RECQL5: variants seen among roughly 807,000 people sequenced by gnomAD.
RECQL5 encodes ATP-dependent DNA helicase Q5.
RECQL5 carries 88 observed loss-of-function variants against 103.4 expected under a neutral mutation model. The observed-to-expected ratio is 0.85, with a 90% CI of 0.72 to 1.02. RECQL5 has a LOEUF of 1.02. RECQL5 is among the 50% of genes least tolerant of loss of function. The pLI, the probability that RECQL5 is intolerant of heterozygous loss-of-function variation, is 0.00. For synonymous variants in RECQL5, 552 were observed against 507.9 expected, an observed-to-expected ratio of 1.09 and a Z score of -1.17; for missense variants, 1,232 against 1,284.3, an observed-to-expected ratio of 0.96 and a Z score of 0.62.
At chr17:75,649,050 C>G (rs935044541) in intron 8 of RECQL5, 1 of 151,994 alleles carries the variant, frequency 6.6e-6, no homozygotes, top group Non-Finnish European at 1.5e-5. Flanking sequence ...GTGCCTGGCA[C>G]AGAGCTGGCA....
rs932705935 is a variant in RECQL5 at position 75,644,806 on chromosome 17, G to T, written c.1229+6380C>A. ...ATCACACCACTGCACTCCAGCCTGG[G>T]CTACAGAGTGAGACTCTGCCTCAAA... On this transcript the variant is annotated intron_variant, in intron 8 of 19. Coordinates refer to ENST00000317905, the MANE Select transcript of RECQL5 (RefSeq NM_004259.7). 2.1e-5 allele frequency among the ~76,000 whole-genome samples: 3 copies of T among 143,370 alleles called. No individual in the cohort carries two copies. In the East Asian group the frequency reaches 6.0e-4, roughly 29 times the overall value. 94.1% of individuals were successfully genotyped at this position (143,370 alleles called of 152,430 possible).
At chr17:75,656,235 C>A (rs2059618418) in intron 7 of RECQL5, among the ~76,000 whole-genome samples, 1 of 152,042 alleles carries the variant, frequency 6.6e-6, no homozygotes, top group South Asian at 2.1e-4. Context: ...CGCCACCACA[C>A]CTGGCTAATT....
intron 3 of RECQL5, among the ~76,000 whole-genome samples, chr17:75,663,994 C>T (rs2059733191): frequency 7.5e-6 from 1 of 134,090 alleles, no homozygotes; most frequent in South Asian, 2.4e-4. Flanking sequence ...GCGGAGGTTG[C>T]GGTGAGCCGA....
At position 75,662,724 on chromosome 17, in the gene RECQL5, G is replaced by A; in HGVS notation, c.526C>T (p.Leu176=). 6.2e-7 allele frequency: 1 copy of A among 1,614,050 alleles called. No individual in the cohort carries two copies. The highest frequency in any genetic ancestry group is 8.5e-7 in the Non-Finnish European group (1 of 1,180,040). ...CCCAGGCGGGAGCGCAGGGCACCCA[G>A]ACGCAAGTAGTCAGGACGAAAGTCA... ...GHDFRPDYLR[L]GALRSRLGHA... The change falls in exon 4 of 20, where the codon CTG becomes TTG. Residue 176 remains leucine (L), a synonymous_variant. Transcript: ENST00000317905.
intron 8 of RECQL5, chr17:75,650,296 G>T: frequency 9.7e-7 from 1 of 1,027,164 alleles, no homozygotes; most frequent in Non-Finnish European, 1.2e-6. Context: ...AATAGCTTCA[G>T]TCCAGAAGCC....
chr17:75,650,494 T>A, intron 8 of RECQL5: 1 of 1,398,780 alleles, frequency 7.1e-7, no homozygotes, highest in Non-Finnish European at 9.4e-7. Flanking sequence ...GACTGTGACC[T>A]CTCTGGACCT....
chr17:75,636,372 G>T lies in RECQL5; in HGVS notation c.1230-4704C>A, dbSNP rs2059321906. 6.6e-6 allele frequency among the ~76,000 whole-genome samples: 1 copy of T among 152,190 alleles called. No individual in the cohort carries two copies. Among genetic ancestry groups the T allele is most frequent in the Admixed American group, 6.5e-5 (1 of 15,284 alleles). On this transcript the variant is annotated intron_variant, in intron 8 of 19. Transcript: ENST00000317905. The surrounding 1 kb of genome is among the most constrained non-coding windows in gnomAD (Gnocchi z 5.4). ...GAAGGAGTTGGGTGAACCTGAGATA[G>T]AAAGACGGGAAAAATATGGGATCAT...
In RECQL5 at chr17:75,629,579, G is replaced by A. The variant is rs558252070; in HGVS notation, c.1948-104C>T. The A allele has an allele frequency of 1.1e-3, 1,615 of 1,504,392 alleles. 1 individual carries two copies. The highest frequency in any genetic ancestry group is 1.4e-3 in the Non-Finnish European group (1,521 of 1,122,440). 93.2% of individuals were successfully genotyped at this position (1,504,392 alleles called of 1,614,324 possible). A position where few individuals can be genotyped will look rare whatever the true frequency, so the allele number is the denominator to read the frequency against. ...ACATTGGGACGGGGCTCTCAGGAGTGTGGGAGGGAAGAGGCAGGCAGGACC... is the reference window on the plus strand; with the variant it reads ...ACATTGGGACGGGGCTCTCAGGAGTATGGGAGGGAAGAGGCAGGCAGGACC... On this transcript the variant is annotated intron_variant, in intron 15 of 19. Transcript: ENST00000317905.
At chr17:75,641,517 GA>G in intron 8 of RECQL5, 1 of 152,762 alleles carries the variant, frequency 6.5e-6, no homozygotes. Flanking sequence ...ACGAAAGCTG[GA>G]AAACCACGCA....
intron 15 of RECQL5, 60 bp from the exon 16 acceptor site, chr17:75,629,535 C>A: frequency 6.7e-7 from 1 of 1,499,128 alleles, no homozygotes; most frequent in Non-Finnish European, 8.9e-7. Context: ...GAGGGCACCG[C>A]TGGCTGGAGC....
intron 8 of RECQL5, chr17:75,637,586 A>C (rs2059349280): frequency 6.6e-6 from 1 of 152,262 alleles, no homozygotes; most frequent in Non-Finnish European, 1.5e-5. Context: ...TCAGTCCTAC[A>C]CTCAGGCTGG....
intron 9 of RECQL5, 30 bp downstream of exon 9, chr17:75,631,420 G>A: frequency 6.3e-7 from 1 of 1,597,980 alleles, no homozygotes; most frequent in Non-Finnish European, 8.6e-7. Context: ...AATTCCAGCG[G>A]GTTGGAGCCC....
chr17:75,649,540 T>G, intron 8 of RECQL5: 1 of 762,820 alleles, frequency 1.3e-6, no homozygotes, highest in Admixed American at 6.2e-5. Context: ...TGTCCCTCAC[T>G]GCCAGGTGCC....
chr17:75,628,305 G>C lies in RECQL5; in HGVS notation c.2718C>G (p.Ser906=). ...NPTAQDPFQL[S]APGVSLKEAA... ...CCTCCTTCAAGGAGACGCCAGGAGC[G>C]GAGAGCTGGAAGGGGTCTTGAGCCG... The change falls in exon 18 of 20, where the codon TCC becomes TCG. Residue 906 remains serine (S), a synonymous_variant. Transcript: ENST00000317905. 6.2e-7 allele frequency: 1 copy of C among 1,614,154 alleles called. No individual in the cohort carries two copies. Among genetic ancestry groups the C allele is most frequent in the Non-Finnish European group, 8.5e-7 (1 of 1,180,036 alleles).
At chr17:75,647,328 G>T in intron 8 of RECQL5, 2 of 1,491,052 alleles carry the variant, frequency 1.3e-6, no homozygotes, top group Non-Finnish European at 1.8e-6. Flanking sequence ...GACAGGGCCT[G>T]GGAGGGCTGC....
At position 75,640,310 on chromosome 17, in the gene RECQL5, G is replaced by C. The variant is rs1177368222; in HGVS notation, c.1230-8642C>G. On this transcript the variant is annotated intron_variant, in intron 8 of 19. Transcript: ENST00000317905. The surrounding 1 kb of genome is among the most constrained non-coding windows in gnomAD (Gnocchi z 4.6). ...GCCCGTGGAGATCGTGGCCTTCTCA[G>C]TCATCATCCTTTTCACAGGTTAGTT... The C allele has an allele frequency of 5.2e-6, 8 of 1,550,182 alleles. No homozygotes were observed. Among genetic ancestry groups the C allele is most frequent in the Admixed American group, 2.0e-5 (1 of 50,612 alleles).
At chr17:75,632,010 T>A (rs1003513077) in intron 8 of RECQL5, among the ~76,000 whole-genome samples, 2 of 152,226 alleles carry the variant, frequency 1.3e-5, no homozygotes, top group African/African-American at 4.8e-5. Context: ...GAAGGGTGTC[T>A]TTTGGGTGAC....
chr17:75,642,850 G>C (rs534873080), intron 8 of RECQL5, among the ~76,000 whole-genome samples: 1 of 152,306 alleles, frequency 6.6e-6, no homozygotes, highest in African/African-American at 2.4e-5. Context: ...AGCTGAAAAG[G>C]AGCAGGGCCT....
Position 75,640,050 on chromosome 17 carries a change from T to G in RECQL5, c.1230-8382A>C. ...TGGAAGTCACCAGGGGTGCAATGTGTGAGACCTGACAAACTTGTTCTGCGG... is the reference window on the plus strand; with the variant it reads ...TGGAAGTCACCAGGGGTGCAATGTGGGAGACCTGACAAACTTGTTCTGCGG... On this transcript the variant is annotated intron_variant, in intron 8 of 19. Transcript: ENST00000317905. The surrounding 1 kb of genome is among the most constrained non-coding windows in gnomAD (Gnocchi z 4.6). The G allele has an allele frequency of 5.0e-5, 57 of 1,139,730 alleles. No individual in the cohort carries two copies. The highest frequency in any genetic ancestry group is 5.9e-5 in the Non-Finnish European group (49 of 835,066). 70.6% of individuals were successfully genotyped at this position (1,139,730 alleles called of 1,614,324 possible).
Sources: allele counts gnomAD v4.1 joint callset (sites outside exome capture counted in the v4.1 genomes callset), GRCh38; gene constraint gnomAD v4.1.1; non-coding constraint Gnocchi (gnomAD v3.1); transcripts MANE v1.5; gene names NCBI Gene and HGNC (gene_info 2026-07-23, HGNC 2026-07-21).